Variants in SERPINB12 observed in about 807,000 individuals in gnomAD.
The protein encoded by SERPINB12 is serpin family B member 12.
In SERPINB12, 57 loss-of-function variants were observed where a neutral mutation model predicts 41.1. The observed-to-expected ratio is 1.39, with a 90% CI of 1.12 to 1.73. The LOEUF (loss-of-function observed/expected upper bound fraction) is 1.73. SERPINB12 is among the 40% of genes most tolerant of loss of function. The pLI, the probability that SERPINB12 is intolerant of heterozygous loss-of-function variation, is 0.00. For synonymous variants in SERPINB12, 180 were observed against 181.3 expected, an observed-to-expected ratio of 0.99 and a Z score of 0.06; for missense variants, 536 against 501.9, an observed-to-expected ratio of 1.07 and a Z score of -0.65.
chr18:63,550,611 A>T (rs1910500114), intron 1 of SERPINB12, among the ~76,000 whole-genome samples: 1 of 152,222 alleles, frequency 6.6e-6, no homozygotes, highest in Non-Finnish European at 1.5e-5. Flanking sequence ...CAACCAAAAA[A>T]GGAACCAGTA....
chr18:63,566,669 A>G lies in SERPINB12; in HGVS notation c.936A>G (p.Glu312=). 1.2e-6 allele frequency: 2 copies of G among 1,614,074 alleles called. No individual in the cohort carries two copies. The highest frequency in any genetic ancestry group is 1.7e-6 in the Non-Finnish European group (2 of 1,179,986). Residue 312 remains glutamate, a synonymous_variant, in exon 8 of 8, where the codon GAA becomes GAG. Transcript: ENST00000382768. The stretch of plus-strand genomic sequence containing the variant: ...GGAGCAGCTCAGAAAACATGTCAGA[A>G]GAATCGGTGGTCCTGTCCTTCCCCC... ...VAWSSSENMS[E]ESVVLSFPRF... is the part of the protein sequence containing the mutation.
At chr18:63,545,265 T>G (rs1339935083) in intron 1 of SERPINB12, among the ~76,000 whole-genome samples, 1 of 151,894 alleles carries the variant, frequency 6.6e-6, no homozygotes, top group Admixed American at 6.6e-5. Context: ...CTAGTTGACC[T>G]CCAAATTTCT....
chr18:63,564,194 T>C, intron 6 of SERPINB12, 74 bp downstream of exon 6: 1 of 1,449,250 alleles, frequency 6.9e-7, no homozygotes, highest in Non-Finnish European at 9.4e-7. Context: ...ACAATATGTA[T>C]ACTCGAAAAG....
At chr18:63,529,445 A>G in the SERPINB12 span, among the ~76,000 whole-genome samples, 1 of 152,208 alleles carries the variant, frequency 6.6e-6, no homozygotes, top group Non-Finnish European at 1.5e-5. Context: ...GTGAGAACCT[A>G]TCTTCATGGC....
At chr18:63,520,462 T>C in the SERPINB12 span, among the ~76,000 whole-genome samples, 8 of 152,160 alleles carry the variant, frequency 5.3e-5, no homozygotes, top group Admixed American at 3.9e-4. Context: ...GAGTCACAGA[T>C]GCATGGTGGG....
intron 1 of SERPINB12, among the ~76,000 whole-genome samples, chr18:63,547,376 A>G (rs570774263): frequency 7.3e-5 from 11 of 151,476 alleles, no homozygotes; most frequent in African/African-American, 2.4e-4. Context: ...TTTTTGCACC[A>G]TAAGTTGGAA....
the SERPINB12 span, among the ~76,000 whole-genome samples, chr18:63,532,055 T>C: frequency 6.6e-6 from 1 of 152,236 alleles, no homozygotes; most frequent in Non-Finnish European, 1.5e-5. Context: ...TATCATTGTA[T>C]TAATACAAAC....
chr18:63,537,826 A>G (rs1910203798), upstream of SERPINB12, among the ~76,000 whole-genome samples: 2 of 152,170 alleles, frequency 1.3e-5, no homozygotes, highest in South Asian at 4.1e-4. Flanking sequence ...TTATTCAAAA[A>G]TAACATTAAG....
Position 63,559,009 on chromosome 18 carries a change from T to TCTTTCTTTCTTC in SERPINB12, c.303+534_303+535insCCTTTCTTTCTT, listed in dbSNP as rs1910784339. Among the ~76,000 whole-genome samples the TCTTTCTTTCTTC allele has an allele frequency of 5.5e-5, 3 of 54,862 alleles. No individual in the cohort carries two copies. The South Asian group carries it at 2.0e-3, about 36-fold the overall frequency. 36.0% of individuals were successfully genotyped at this position (54,862 alleles called of 152,430 possible). A position where few individuals can be genotyped will look rare whatever the true frequency, so the allele number is the denominator to read the frequency against. ...GTCTTTCTTTCTTTCCTTCCTTCTT[T>TCTTTCTTTCTTC]CTTTCTTTCTTTCTTTCTTTCTTTC... On this transcript the variant is annotated intron_variant, in intron 3 of 7. Coordinates refer to ENST00000382768, the MANE Select transcript of SERPINB12 (RefSeq NM_001307928.2).
chr18:63,566,440 A>G (rs1911099030), intron 7 of SERPINB12, among the ~76,000 whole-genome samples, 167 bp from the exon 8 acceptor site: 1 of 152,198 alleles, frequency 6.6e-6, no homozygotes, highest in Non-Finnish European at 1.5e-5. Context: ...TAAAGAGGAA[A>G]GATATTTGCT....
chr18:63,559,040 T>TTCTTTCTCTTTCTTTCTTTCTTTCTTTC (rs1555675614), intron 3 of SERPINB12, among the ~76,000 whole-genome samples: 1 of 27,690 alleles, frequency 3.6e-5, no homozygotes, highest in African/African-American at 7.4e-5. Flanking sequence ...CTTTCTTTCT[T>TTCTTTCTCTTTCTTTCTTTCTTTCTTTC]TCTTTCTTTC....
rs748926309 is a variant in SERPINB12 at position 63,566,881 on chromosome 18, C to A, written c.1148C>A (p.Thr383Asn). ...DENGTQAAAA[T>N]GAVVSERSLR... ...AACGGTACCCAGGCAGCTGCAGCCA[C>A]TGGGGCTGTTGTCTCGGAAAGGTCA... Residue 383 changes from threonine (T) to asparagine (N), a missense_variant, in exon 8 of 8, where the codon ACT (threonine) becomes AAT (asparagine). Transcript: ENST00000382768. The A allele has an allele frequency of 1.9e-6, 3 of 1,614,194 alleles. No individual in the cohort carries two copies. Among genetic ancestry groups the A allele is most frequent in the East Asian group, 4.5e-5 (2 of 44,892 alleles).
At chr18:63,550,950 A>G (rs1910509026) in intron 1 of SERPINB12, among the ~76,000 whole-genome samples, 1 of 152,130 alleles carries the variant, frequency 6.6e-6, no homozygotes, top group African/African-American at 2.4e-5. Flanking sequence ...CAGTTTTGGA[A>G]CTTTATGTAA....
chr18:63,552,024 A>G (rs1339748364), intron 1 of SERPINB12, among the ~76,000 whole-genome samples: 2 of 152,196 alleles, frequency 1.3e-5, no homozygotes, highest in Non-Finnish European at 2.9e-5. Flanking sequence ...TTCTCCCTCA[A>G]CTTACTAAAA....
At chr18:63,538,826 C>T (rs1427457996), upstream of SERPINB12, among the ~76,000 whole-genome samples, 2 of 152,158 alleles carry the variant, frequency 1.3e-5, no homozygotes. Flanking sequence ...ATGATGGTTC[C>T]AATTTTTCCA....
chr18:63,535,467 C>T, the SERPINB12 span, among the ~76,000 whole-genome samples: 3 of 152,036 alleles, frequency 2.0e-5, no homozygotes, highest in Non-Finnish European at 2.9e-5. Flanking sequence ...AATAATACCC[C>T]AAACTAAGGG....
intron 1 of SERPINB12, among the ~76,000 whole-genome samples, chr18:63,555,078 C>A (rs1208241042): frequency 6.6e-6 from 1 of 152,202 alleles, no homozygotes; most frequent in Non-Finnish European, 1.5e-5. Context: ...TCAATTAAAA[C>A]TCTTTCCTTT....
At chr18:63,534,352 G>C in the SERPINB12 span, among the ~76,000 whole-genome samples, 1 of 152,070 alleles carries the variant, frequency 6.6e-6, no homozygotes, top group African/African-American at 2.4e-5. Context: ...GTACTTGTGG[G>C]GAGTTACTAA....
At chr18:63,523,351 G>A in the SERPINB12 span, among the ~76,000 whole-genome samples, 1 of 152,114 alleles carries the variant, frequency 6.6e-6, no homozygotes, top group African/African-American at 2.4e-5. Context: ...TGAAGCACAA[G>A]AAATGACAAA....
Sources: gnomAD v4.1 joint callset for allele counts (sites outside exome capture counted in the v4.1 genomes callset) on GRCh38, gnomAD v4.1.1 for gene constraint, MANE v1.5 for transcripts, NCBI Gene and HGNC (gene_info 2026-07-23, HGNC 2026-07-21) for gene names.